CFDP1: variants seen among roughly 807,000 people sequenced by gnomAD.
CFDP1 encodes the protein heterochromatin-stabilizing protein CFDP1.
A neutral mutation model predicts 40.1 loss-of-function variants in CFDP1; 31 were observed. The observed-to-expected ratio is 0.77, with a 90% CI of 0.58 to 1.04. CFDP1 has a LOEUF of 1.04. Ranked by LOEUF, CFDP1 falls within the 50% of genes least tolerant of loss-of-function variation. CFDP1 has a pLI of 0.00. For missense variants in CFDP1, 423 were observed against 343.4 expected (o/e 1.23, Z -1.83); for synonymous variants, 167 against 120.0 (o/e 1.39, Z -2.56).
At chr16:75,297,145 CTTGTGTGTGTGTGTGTGTGTCTGTGT>C (rs2078188066) in intron 6 of CFDP1, among the ~76,000 whole-genome samples, 1 of 139,058 alleles carries the variant, frequency 7.2e-6, no homozygotes, top group Non-Finnish European at 1.6e-5. Flanking sequence ...CTTCCCATTT[CTTGTGTGTGTGTGTGTGTGTCTGTGT>C]GTGTGTGTGT....
chr16:75,430,665 C>T (rs1458289622), intron 1 of CFDP1, among the ~76,000 whole-genome samples: 2 of 151,644 alleles, frequency 1.3e-5, no homozygotes, highest in Non-Finnish European at 2.9e-5. Context: ...GGTTACACCA[C>T]GTTGGCCAGG....
chr16:75,327,634 T>C (rs563781373), intron 5 of CFDP1, among the ~76,000 whole-genome samples: 4 of 152,212 alleles, frequency 2.6e-5, no homozygotes, highest in East Asian at 3.9e-4. Context: ...CAATCAAATA[T>C]ACACACATAT....
At chr16:75,338,337 A>T (rs1397653252) in intron 5 of CFDP1, among the ~76,000 whole-genome samples, 1 of 152,226 alleles carries the variant, frequency 6.6e-6, no homozygotes, top group Non-Finnish European at 1.5e-5. Context: ...TAAAGGGATC[A>T]TTCATCAAGG....
intron 1 of CFDP1, among the ~76,000 whole-genome samples, chr16:75,432,805 T>G (rs755137053): frequency 6.6e-6 from 1 of 152,104 alleles, no homozygotes. Flanking sequence ...AGAGGATGGG[T>G]GGACGTCACA....
At chr16:75,304,231 G>T (rs1327630660) in intron 6 of CFDP1, among the ~76,000 whole-genome samples, 1 of 152,022 alleles carries the variant, frequency 6.6e-6, no homozygotes, top group Non-Finnish European at 1.5e-5. Flanking sequence ...ACTATGCCTG[G>T]CTAATTCTTA....
At position 75,416,654 on chromosome 16, in the gene CFDP1, A is replaced by T. The variant is rs142738377; in HGVS notation, c.65-1959T>A. 7.1e-4 allele frequency among the ~76,000 whole-genome samples: 108 copies of T among 152,230 alleles called. 4 individuals carry two copies. The East Asian group carries it at 0.019, about 27-fold the overall frequency. ...ACACACCTCTAGTCTAAGCTGAGGC[A>T]GAAAGATCACTTGAGCCTGGGAGGT... On this transcript the variant is annotated intron_variant, in intron 1 of 6. Coordinates refer to ENST00000283882, the MANE Select transcript of CFDP1 (RefSeq NM_006324.3).
Position 75,366,727 on chromosome 16 carries a change from G to A in CFDP1, c.650+28363C>T, listed in dbSNP as rs191835349. Among the ~76,000 whole-genome samples the A allele has an allele frequency of 2.0e-5, 3 of 152,342 alleles. No individual in the cohort carries two copies. The East Asian group carries it at 5.8e-4, about 29-fold the overall frequency. ...GGCAAATCTACGGAGACAGAAAGCA[G>A]ATCAGTGGTTGTCTGGAGGGCTCCC... On this transcript the variant is annotated intron_variant, in intron 5 of 6. Transcript: ENST00000283882.
intron 5 of CFDP1, among the ~76,000 whole-genome samples, chr16:75,362,523 A>G (rs955849935): frequency 6.6e-6 from 1 of 152,226 alleles, no homozygotes; most frequent in Non-Finnish European, 1.5e-5. Flanking sequence ...AGCTATGCTG[A>G]TTTTTGGTTT....
chr16:75,407,549 A>C (rs2079111705), intron 4 of CFDP1, among the ~76,000 whole-genome samples: 1 of 151,156 alleles, frequency 6.6e-6, no homozygotes, highest in South Asian at 2.1e-4. Flanking sequence ...GCAAGGTGGC[A>C]TATGCCTGTA....
At chr16:75,403,275 G>A (rs1192060888) in intron 4 of CFDP1, among the ~76,000 whole-genome samples, 1 of 152,180 alleles carries the variant, frequency 6.6e-6, no homozygotes, top group Admixed American at 6.5e-5. Flanking sequence ...CTGGAGTTCA[G>A]TGGCACGATC....
At chr16:75,334,558 G>A (rs1466416697) in intron 5 of CFDP1, among the ~76,000 whole-genome samples, 1 of 151,698 alleles carries the variant, frequency 6.6e-6, no homozygotes, top group Non-Finnish European at 1.5e-5. Context: ...AGAGAGAAGG[G>A]TGACTTAGGC....
intron 5 of CFDP1, among the ~76,000 whole-genome samples, chr16:75,351,271 T>C (rs959479420): frequency 3.3e-5 from 5 of 152,228 alleles, no homozygotes; most frequent in Non-Finnish European, 5.9e-5. Context: ...ACTCTATGTA[T>C]TGATAAATCC....
At chr16:75,362,542 T>C (rs2078686731) in intron 5 of CFDP1, among the ~76,000 whole-genome samples, 1 of 152,216 alleles carries the variant, frequency 6.6e-6, no homozygotes, top group South Asian at 2.1e-4. Flanking sequence ...TTGGAAAATA[T>C]GCTCACCATG....
chr16:75,404,273 T>C (rs1195068394), intron 4 of CFDP1, among the ~76,000 whole-genome samples: 3 of 147,644 alleles, frequency 2.0e-5, no homozygotes, highest in Non-Finnish European at 4.5e-5. Context: ...TCTTGCTCTG[T>C]TGCCCAGGCT....
chr16:75,390,705 A>G (rs1456416168), intron 5 of CFDP1, among the ~76,000 whole-genome samples: 1 of 152,208 alleles, frequency 6.6e-6, no homozygotes, highest in African/African-American at 2.4e-5. Flanking sequence ...GAAGAAACAG[A>G]TCTGGGTATT....
At chr16:75,412,478 C>A in intron 3 of CFDP1, 57 bp downstream of exon 3, 2 of 1,341,302 alleles carry the variant, frequency 1.5e-6, no homozygotes. Context: ...GGCTTCAAAT[C>A]TCAGTAATGT....
At chr16:75,394,592 A>C (rs2078980402) in intron 5 of CFDP1, 1 of 151,774 alleles carries the variant, frequency 6.6e-6, no homozygotes, top group Non-Finnish European at 1.5e-5. Context: ...CTTTGTGTTC[A>C]ATACTATAAA....
At chr16:75,431,813 T>C (rs1197594876) in intron 1 of CFDP1, among the ~76,000 whole-genome samples, 1 of 151,762 alleles carries the variant, frequency 6.6e-6, no homozygotes, top group East Asian at 1.9e-4. Context: ...GTTAAATCAA[T>C]AGACAACAGA....
chr16:75,327,522 G>C (rs768224000), intron 5 of CFDP1, among the ~76,000 whole-genome samples: 1 of 152,104 alleles, frequency 6.6e-6, no homozygotes, highest in African/African-American at 2.4e-5. Flanking sequence ...ATAGACTATA[G>C]TAGAATATAA....
Sources: gnomAD v4.1 joint callset for allele counts (sites outside exome capture counted in the v4.1 genomes callset) on GRCh38, gnomAD v4.1.1 for gene constraint, MANE v1.5 for transcripts, NCBI Gene and HGNC (gene_info 2026-07-23, HGNC 2026-07-21) for gene names.